The following PGAP2 variants were observed in gnomAD, a reference collection of about 807,000 sequenced individuals.
The protein encoded by PGAP2 is acyltransferase PGAP2.
Under a neutral mutation model 33.2 loss-of-function variants are expected in PGAP2, and 21 were observed. The ratio of observed to expected loss-of-function variants is 0.63; its 90% CI spans 0.45 to 0.91. The LOEUF (loss-of-function observed/expected upper bound fraction) is 0.91. Ranked by LOEUF, PGAP2 falls within the 40% of genes least tolerant of loss-of-function variation. The pLI, the probability that PGAP2 is intolerant of heterozygous loss-of-function variation, is 0.00. For missense variants in PGAP2, 345 were observed against 424.0 expected, an observed-to-expected ratio of 0.81 and a Z score of 1.64; for synonymous variants, 161 against 172.9, an observed-to-expected ratio of 0.93 and a Z score of 0.54.
chr11:3,816,640 C>G (rs929878988), intron 2 of PGAP2, among the ~76,000 whole-genome samples: 1 of 152,116 alleles, frequency 6.6e-6, no homozygotes, highest in Non-Finnish European at 1.5e-5. Context: ...AGATGTAGGT[C>G]TGGGCTTCCA....
chr11:3,824,804 G>A, intron 5 of PGAP2: 1 of 1,432,484 alleles, frequency 7.0e-7, no homozygotes, highest in Non-Finnish European at 9.1e-7. Flanking sequence ...AGTGGAAGCG[G>A]CAGGAATACC....
In PGAP2 at chr11:3,825,432, T is replaced by C. The variant is rs1338504388; in HGVS notation, c.922T>C (p.Ser308Pro). Residue 308 changes from serine (S) to proline (P), a missense_variant, in exon 7 of 7, where the codon TCT (serine) becomes CCT (proline). Transcript: ENST00000278243. ...DFGNKELLIT[S>P]QPEEKRF is the part of the protein sequence containing the mutation. ...CGGGAACAAGGAGCTGCTCATAACCTCTCAGCCTGAGGAAAAGCGATTCTG... is the reference window on the plus strand; with the variant it reads ...CGGGAACAAGGAGCTGCTCATAACCCCTCAGCCTGAGGAAAAGCGATTCTG... The C allele has an allele frequency of 1.9e-6, 3 of 1,613,444 alleles. No homozygotes were observed. Among genetic ancestry groups the C allele is most frequent in the African/African-American group, 2.7e-5 (2 of 74,830 alleles).
Position 3,825,582 on chromosome 11 carries a change from G to A in PGAP2, c.*124G>A, listed in dbSNP as rs2089891802. 1 of 1,094,036 alleles carries A rather than the reference G, an allele frequency of 9.1e-7. No homozygotes were observed. The highest frequency in any genetic ancestry group is 1.3e-6 in the Non-Finnish European group (1 of 764,392). The allele number at this position is 1,094,036 out of a possible 1,614,324, so 67.8% of individuals were successfully genotyped here. ...ACTGAAGATGGGGGAAGGGTAAGAA[G>A]GAAGGGTGTAGGCCAAGGCTCACCC... On this transcript the variant is annotated 3_prime_UTR_variant, in exon 7 of 7. Transcript: ENST00000278243.
chr11:3,805,330 C>T (rs2084144825), upstream of PGAP2, among the ~76,000 whole-genome samples: 1 of 144,876 alleles, frequency 6.9e-6, no homozygotes, highest in Non-Finnish European at 1.5e-5. Context: ...GGTATGATCT[C>T]AGTTGACTGC....
At chr11:3,803,348 C>T (rs868728024) in intron 1 of PGAP2, among the ~76,000 whole-genome samples, 1 of 148,370 alleles carries the variant, frequency 6.7e-6, no homozygotes, top group East Asian at 2.0e-4. Flanking sequence ...AGGATGGTCT[C>T]GATCTCCTGA....
intron 2 of PGAP2, among the ~76,000 whole-genome samples, chr11:3,813,032 A>G (rs913445571): frequency 1.3e-5 from 2 of 152,092 alleles, no homozygotes; most frequent in African/African-American, 4.8e-5. Context: ...TCATCCCGCA[A>G]AACCCTGCCC....
rs113873429 is a variant in PGAP2, at chr11:3,825,869, C to T, written c.*411C>T. On this transcript the variant is annotated 3_prime_UTR_variant, in exon 7 of 7. Transcript: ENST00000278243. ...CTCTGCACGGGGGTCATTCATAGGA[C>T]TAATGTATTTCATGATCTACTGTGC... The T allele has an allele frequency of 1.0e-3, 191 of 185,786 alleles. 1 individual carries two copies. Among genetic ancestry groups the T allele is most frequent in the African/African-American group, 4.2e-3 (180 of 42,604 alleles). The allele number at this position is 185,786 out of a possible 1,614,324, so 11.5% of individuals were successfully genotyped here. A position where few individuals can be genotyped will look rare whatever the true frequency, so the allele number is the denominator to read the frequency against.
chr11:3,804,137 TTAG>T (rs2083940231), upstream of PGAP2, among the ~76,000 whole-genome samples: 1 of 152,124 alleles, frequency 6.6e-6, no homozygotes, highest in Non-Finnish European at 1.5e-5. Context: ...TCTTTTCCTA[TTAG>T]TATTATTTTA....
intron 1 of PGAP2, chr11:3,798,031 A>G: frequency 3.9e-6 from 6 of 1,535,378 alleles, no homozygotes; most frequent in Non-Finnish European, 5.3e-6. Context: ...GCTGCTGGGA[A>G]GGCTTCCTAG....
In PGAP2 at chr11:3,811,678, A is replaced by G. The variant is rs949182921; in HGVS notation, c.165+254A>G. On this transcript the variant is annotated intron_variant, in intron 2 of 6. Coordinates refer to ENST00000278243, the MANE Select transcript of PGAP2 (RefSeq NM_014489.4). This position sits in a 1 kb window ranked among gnomAD's most constrained non-coding sequence, Gnocchi z 4.6. ...TTACAAGTATAACAGAGTTTGACAC[A>G]TGTCCCACCCCATTTACTTTGATAT... Among the ~76,000 whole-genome samples the G allele has an allele frequency of 1.3e-5, 2 of 152,070 alleles. No homozygotes were observed. The highest frequency in any genetic ancestry group is 2.9e-5 in the Non-Finnish European group (2 of 68,016).
intron 3 of PGAP2, among the ~76,000 whole-genome samples, chr11:3,820,822 C>CAAAT (rs59031772): frequency 0.025 from 3,723 of 151,958 alleles, 137 homozygotes; most frequent in African/African-American, 0.084. Context: ...GACCCTGTCT[C>CAAAT]AAATAAATAA....
At chr11:3,818,166 C>A (rs1463639936) in intron 3 of PGAP2, among the ~76,000 whole-genome samples, 1 of 151,318 alleles carries the variant, frequency 6.6e-6, no homozygotes, top group African/African-American at 2.4e-5. Context: ...AGTTTGAGAC[C>A]AGCCTGGCCA....
At chr11:3,797,993 G>A in intron 1 of PGAP2, 25 of 1,540,074 alleles carry the variant, frequency 1.6e-5, no homozygotes, top group Non-Finnish European at 2.1e-5. Context: ...GTAACTATTC[G>A]ACCCTTTCCT....
chr11:3,824,852 C>T (rs927800921), intron 5 of PGAP2, 168 bp from the exon 6 acceptor site: 43 of 1,446,954 alleles, frequency 3.0e-5, no homozygotes, highest in East Asian at 1.2e-4. Flanking sequence ...GAGGCAGGGA[C>T]GTGAACACAT....
At chr11:3,798,900 C>T (rs2083030168) in intron 1 of PGAP2, among the ~76,000 whole-genome samples, 1 of 152,246 alleles carries the variant, frequency 6.6e-6, no homozygotes, top group Admixed American at 6.5e-5. Context: ...GCCTCGGCCT[C>T]CCACAGTGCT....
In PGAP2 at chr11:3,822,224, C is replaced by T. The variant is rs188987959; in HGVS notation, c.349-1659C>T. Reference sequence around the variant, plus strand: ...CTAAAAATACAAAAAATTAGCCGGGCGTGGTGACGGGCGCCTGTAGTCCCA... The same window carrying T: ...CTAAAAATACAAAAAATTAGCCGGGTGTGGTGACGGGCGCCTGTAGTCCCA... On this transcript the variant is annotated intron_variant, in intron 3 of 6. Coordinates refer to ENST00000278243, the MANE Select transcript of PGAP2 (RefSeq NM_014489.4). 2.7e-3 allele frequency among the ~76,000 whole-genome samples: 413 copies of T among 152,060 alleles called. 2 individuals are homozygous for T. Among genetic ancestry groups the T allele is most frequent in the African/African-American group, 9.7e-3 (403 of 41,464 alleles).
At chr11:3,820,142 A>G (rs1310013448) in intron 3 of PGAP2, among the ~76,000 whole-genome samples, 3 of 152,164 alleles carry the variant, frequency 2.0e-5, no homozygotes, top group Non-Finnish European at 4.4e-5. Context: ...CAGATTGAAT[A>G]TTCCAGGAAG....
At chr11:3,820,765 A>G (rs1032133119) in intron 3 of PGAP2, among the ~76,000 whole-genome samples, 2 of 152,156 alleles carry the variant, frequency 1.3e-5, no homozygotes, top group Non-Finnish European at 2.9e-5. Context: ...GGAGGTTGCA[A>G]TGAGCCAAGA....
At chr11:3,807,775 C>A (rs771063982), upstream of PGAP2, among the ~76,000 whole-genome samples, 5 of 152,160 alleles carry the variant, frequency 3.3e-5, no homozygotes, top group Admixed American at 1.3e-4. Context: ...CTCTGACTAC[C>A]CACCAGTGTG....
Sources: allele counts gnomAD v4.1 joint callset (sites outside exome capture counted in the v4.1 genomes callset), GRCh38; gene constraint gnomAD v4.1.1; non-coding constraint Gnocchi (gnomAD v3.1); transcripts MANE v1.5; gene names NCBI Gene and HGNC (gene_info 2026-07-23, HGNC 2026-07-21).